Variants in SH3BP4 observed in about 807,000 individuals in gnomAD.
SH3BP4 encodes SH3 domain-binding protein 4.
SH3BP4 carries 33 observed loss-of-function variants against 65.5 expected under a neutral mutation model. That is an observed-to-expected ratio of 0.50 (90% confidence interval 0.38 to 0.67). The LOEUF (loss-of-function observed/expected upper bound fraction) is 0.67, where lower values mean the gene tolerates loss of function less well. SH3BP4 is among the 30% of genes least tolerant of loss of function. The pLI is 0.00. For synonymous variants in SH3BP4, 552 were observed against 545.5 expected (o/e 1.01, Z -0.17); for missense variants, 1,134 against 1,261.4 (o/e 0.90, Z 1.53).
At position 235,033,555 on chromosome 2, in the gene SH3BP4, C is replaced by T. The variant is rs965892321; in HGVS notation, c.-132-1316C>T. 1.3e-5 allele frequency among the ~76,000 whole-genome samples: 2 copies of T among 152,258 alleles called. No homozygotes were observed. The highest frequency in any genetic ancestry group is 4.8e-5 in the African/African-American group (2 of 41,470). On this transcript the variant is annotated intron_variant, in intron 2 of 5. Transcript: ENST00000392011. The surrounding 1 kb of genome is among the most constrained non-coding windows in gnomAD (Gnocchi z 5.7). ...CTGAGGCCTTGAGATGGAAAGGACGCCTCCCTTGAGCCACTATCCGCCGGT... is the reference window on the plus strand; with the variant it reads ...CTGAGGCCTTGAGATGGAAAGGACGTCTCCCTTGAGCCACTATCCGCCGGT...
chr2:235,051,186 C>A (rs181869887), intron 4 of SH3BP4, among the ~76,000 whole-genome samples: 4 of 152,298 alleles, frequency 2.6e-5, no homozygotes, highest in Admixed American at 2.0e-4. Context: ...CAGAGCCACA[C>A]GCTAACCATG....
rs1696141210 is a variant in SH3BP4 at position 235,053,815 on chromosome 2, G to A, written c.2891G>A (p.Ter964=). The change falls in exon 6 of 6, where the codon TGA becomes TAA. Residue 964 remains the stop codon, a stop_retained_variant. Coordinates refer to ENST00000392011, the MANE Select transcript of SH3BP4 (RefSeq NM_014521.3). ...GCGGACCAGGACGACTTCGTGATTTGAATGGGTCCCCTCCCCTCCTGCTGC... is the reference window on the plus strand; with the variant it reads ...GCGGACCAGGACGACTTCGTGATTTAAATGGGTCCCCTCCCCTCCTGCTGC... ...SPADQDDFVI[*] is the part of the protein sequence containing the mutation. The A allele has an allele frequency of 6.2e-7, 1 of 1,612,432 alleles. No homozygotes were observed. The highest frequency in any genetic ancestry group is 8.5e-7 in the Non-Finnish European group (1 of 1,178,586).
chr2:235,004,512 A>G (rs1011012266), intron 2 of SH3BP4, among the ~76,000 whole-genome samples: 1 of 152,190 alleles, frequency 6.6e-6, no homozygotes, highest in African/African-American at 2.4e-5. Context: ...AAGGGCACCC[A>G]TTAGCAGTCG....
chr2:234,966,414 A>G (rs1692839682), intron 1 of SH3BP4, among the ~76,000 whole-genome samples: 1 of 152,222 alleles, frequency 6.6e-6, no homozygotes, highest in Non-Finnish European at 1.5e-5. Context: ...GGTGGTGGCT[A>G]AAATTTGTAG....
chr2:234,959,134 G>A (rs1692651059), intron 1 of SH3BP4, among the ~76,000 whole-genome samples: 1 of 152,100 alleles, frequency 6.6e-6, no homozygotes, highest in South Asian at 2.1e-4. Flanking sequence ...TGGCTGGGGG[G>A]CCCATTTGTC....
chr2:235,041,464 T>G lies in SH3BP4; in HGVS notation c.695T>G (p.Val232Gly), dbSNP rs1311452501. ...AACGGACTCCACGCAGAGCCGCCGG[T>G]CAGGCGGGACAACCCCTTCTTCAGA... is the stretch of plus-strand genomic sequence containing the variant. ...VTNGLHAEPPVRRDNPFFRSK... is the reference protein window; with the variant it reads ...VTNGLHAEPPGRRDNPFFRSK... The change falls in exon 4 of 6, where the codon GTC becomes GGC. Residue 232 changes from valine to glycine, a missense_variant. By Grantham distance (109) the Val-to-Gly change is moderately radical (BLOSUM62 -3). Coordinates refer to ENST00000392011, the MANE Select transcript of SH3BP4 (RefSeq NM_014521.3). This position sits in a 1 kb window ranked among gnomAD's most constrained non-coding sequence, Gnocchi z 6.0. 1.2e-6 allele frequency: 2 copies of G among 1,614,142 alleles called. No individual in the cohort carries two copies.
Position 235,038,385 on chromosome 2 carries a change from AT to A in SH3BP4, c.119-2502del, listed in dbSNP as rs1190139640. On this transcript the variant is annotated intron_variant, in intron 3 of 5. Coordinates refer to ENST00000392011, the MANE Select transcript of SH3BP4 (RefSeq NM_014521.3). ...ATATATAATATATATACATATATAT[AT>A]ATATATATATATATATATATATATA... 8.5e-4 allele frequency among the ~76,000 whole-genome samples: 11 copies of A among 12,928 alleles called. 3 individuals carry two copies. Among genetic ancestry groups the A allele is most frequent in the South Asian group, 3.4e-3 (1 of 296 alleles). 8.5% of individuals were successfully genotyped at this position (12,928 alleles called of 152,430 possible).
chr2:234,968,308 T>C (rs895368973), intron 1 of SH3BP4, among the ~76,000 whole-genome samples: 7 of 151,634 alleles, frequency 4.6e-5, no homozygotes, highest in Admixed American at 1.3e-4. Context: ...AGTGAGTTTG[T>C]AGAACCGGAT....
At chr2:235,037,361 G>A (rs1262432471) in intron 3 of SH3BP4, among the ~76,000 whole-genome samples, 1 of 152,142 alleles carries the variant, frequency 6.6e-6, no homozygotes, top group African/African-American at 2.4e-5. Flanking sequence ...CCTCCCTAGG[G>A]TTCTGGAAAG....
In SH3BP4 at chr2:234,989,462, C is replaced by T. The variant is rs182375394; in HGVS notation, c.-206-5841C>T. 9.2e-5 allele frequency among the ~76,000 whole-genome samples: 14 copies of T among 152,336 alleles called. No homozygotes were observed. In the East Asian group the frequency reaches 1.5e-3, roughly 17 times the overall value. ...CACTCCTGGCATGCAGCCATGTACC[C>T]GGGTGAATGCCCACTTCCGTTTGGC... On this transcript the variant is annotated intron_variant, in intron 1 of 5. Coordinates refer to ENST00000392011, the MANE Select transcript of SH3BP4 (RefSeq NM_014521.3).
intron 1 of SH3BP4, among the ~76,000 whole-genome samples, chr2:234,969,913 T>TCAAACACA (rs767776272): frequency 2.0e-5 from 3 of 150,614 alleles, no homozygotes; most frequent in African/African-American, 7.3e-5. Flanking sequence ...TTACACACAC[T>TCAAACACA]CTGTCACACA....
intron 1 of SH3BP4, among the ~76,000 whole-genome samples, chr2:234,989,548 G>A (rs753739805): frequency 1.3e-5 from 2 of 152,036 alleles, no homozygotes; most frequent in African/African-American, 2.4e-5. Flanking sequence ...TAGAGAACAG[G>A]GCTTGGCACA....
At position 234,997,563 on chromosome 2, in the gene SH3BP4, C is replaced by T. The variant is rs1413910294; in HGVS notation, c.-133+2187C>T. On this transcript the variant is annotated intron_variant, in intron 2 of 5. Transcript: ENST00000392011. The surrounding 1 kb of genome is among the most constrained non-coding windows in gnomAD (Gnocchi z 4.2). ...CAGGAGGCCTGCAGCAGAGCACGGC[C>T]GATTGCTCCTCCGGGGAGTGTCAGC... Among the ~76,000 whole-genome samples the T allele has an allele frequency of 6.6e-6, 1 of 152,152 alleles. No individual in the cohort carries two copies. Among genetic ancestry groups the T allele is most frequent in the Non-Finnish European group, 1.5e-5 (1 of 68,032 alleles).
At chr2:234,980,246 T>A (rs1693332241) in intron 1 of SH3BP4, among the ~76,000 whole-genome samples, 1 of 152,046 alleles carries the variant, frequency 6.6e-6, no homozygotes, top group African/African-American at 2.4e-5. Flanking sequence ...ATGTACTATT[T>A]ATTTTTTCCT....
chr2:234,986,650 C>T (rs1367967385), intron 1 of SH3BP4, among the ~76,000 whole-genome samples: 5 of 151,778 alleles, frequency 3.3e-5, no homozygotes, highest in African/African-American at 9.7e-5. Context: ...TTCCTGATCT[C>T]GGGTGAGTCT....
rs2106345887 is a variant in SH3BP4 at position 235,052,536 on chromosome 2, C to G, written c.2479-26C>G. ...GCCTGCCCCACTCCCTACACTGTCT[C>G]ACGCTGTGTGCCTCTTCCTCTGCAG... On this transcript the variant is annotated intron_variant, in intron 4 of 5. Transcript: ENST00000392011. This position sits in a 1 kb window ranked among gnomAD's most constrained non-coding sequence, Gnocchi z 5.0. The G allele has an allele frequency of 6.5e-7, 1 of 1,528,506 alleles. No homozygotes were observed. Among genetic ancestry groups the G allele is most frequent in the Non-Finnish European group, 8.8e-7 (1 of 1,133,916 alleles). The allele number at this position is 1,528,506 out of a possible 1,614,324, so 94.7% of individuals were successfully genotyped here.
intron 1 of SH3BP4, among the ~76,000 whole-genome samples, chr2:234,984,797 C>A (rs748567906): frequency 6.6e-6 from 1 of 152,044 alleles, no homozygotes; most frequent in Non-Finnish European, 1.5e-5. Context: ...GAGCCTGAGA[C>A]AAGGACTTGG....
chr2:235,009,249 C>T (rs1051595080), intron 2 of SH3BP4, among the ~76,000 whole-genome samples: 8 of 152,192 alleles, frequency 5.3e-5, no homozygotes, highest in African/African-American at 1.9e-4. Context: ...TGCCATCCGG[C>T]CTGCAGTGTG....
In SH3BP4 at chr2:234,991,816, A is replaced by G. The variant is rs1174099923; in HGVS notation, c.-206-3487A>G. On this transcript the variant is annotated intron_variant, in intron 1 of 5. Coordinates refer to ENST00000392011, the MANE Select transcript of SH3BP4 (RefSeq NM_014521.3). The surrounding 1 kb of genome is among the most constrained non-coding windows in gnomAD (Gnocchi z 4.2). ...TGGGACCTCCCGGACATGACAAGCC[A>G]GATTCTCTCCTCCCTCCACTCCAGC... Among the ~76,000 whole-genome samples the G allele has an allele frequency of 2.0e-5, 3 of 152,306 alleles. No homozygotes were observed. Among genetic ancestry groups the G allele is most frequent in the East Asian group, 1.9e-4 (1 of 5,160 alleles).
Sources: gnomAD v4.1 joint callset for allele counts (sites outside exome capture counted in the v4.1 genomes callset) on GRCh38, gnomAD v4.1.1 for gene constraint, Gnocchi (gnomAD v3.1) non-coding constraint, MANE v1.5 for transcripts, NCBI Gene and HGNC (gene_info 2026-07-23, HGNC 2026-07-21) for gene names.